The following BMPER variants were observed in gnomAD, a reference collection of about 807,000 sequenced individuals.
BMPER encodes the protein BMP-binding endothelial regulator protein.
BMPER carries 45 observed loss-of-function variants against 87.3 expected under a neutral mutation model. That is an observed-to-expected ratio of 0.52 (90% confidence interval 0.41 to 0.66). The LOEUF (loss-of-function observed/expected upper bound fraction) is 0.66, where lower values mean the gene tolerates loss of function less well. Ranked by LOEUF, BMPER falls within the 30% of genes least tolerant of loss-of-function variation. The pLI is 0.00. For synonymous variants in BMPER, 326 were observed against 316.2 expected (o/e 1.03, Z -0.33); for missense variants, 784 against 867.5 (o/e 0.90, Z 1.21).
rs1791233316 is a variant in BMPER at position 34,153,351 on chromosome 7, A to G, written c.*78A>G. ...GGAAGAGCCAATGAAGGACTGCAGT[A>G]TTTGTGTGCCCGATTCTGTAAACAC... is the stretch of plus-strand genomic sequence containing the variant. On this transcript the variant is annotated 3_prime_UTR_variant, in exon 15 of 15. Coordinates refer to ENST00000649409, the MANE Select transcript of BMPER (RefSeq NM_001365308.1). The G allele has an allele frequency of 4.0e-6, 6 of 1,482,328 alleles. No homozygotes were observed. Among genetic ancestry groups the G allele is most frequent in the Non-Finnish European group, 1.9e-6 (2 of 1,063,094 alleles). The allele number at this position is 1,482,328 out of a possible 1,614,324, so 91.8% of individuals were successfully genotyped here.
intron 6 of BMPER, among the ~76,000 whole-genome samples, chr7:33,977,353 G>A (rs10272728): frequency 0.3 from 45,339 of 152,022 alleles, 7,314 homozygotes; most frequent in African/African-American, 0.4. Context: ...TCACTTTAGA[G>A]TGGAATATTC....
At position 34,009,865 on chromosome 7, in the gene BMPER, G is replaced by A. The variant is rs180712322; in HGVS notation, c.576+35081G>A. The stretch of plus-strand genomic sequence containing the variant: ...GTCTCTAGGCTTGTACTGTGATTCT[G>A]TGTTGACTAGCTACTTATTCATAAG... On this transcript the variant is annotated intron_variant, in intron 6 of 14. Coordinates refer to ENST00000649409, the MANE Select transcript of BMPER (RefSeq NM_001365308.1). Among the ~76,000 whole-genome samples, 387 of 152,020 alleles carry A rather than the reference G, an allele frequency of 2.5e-3. 2 individuals are homozygous for A. Among genetic ancestry groups the A allele is most frequent in the Non-Finnish European group, 3.4e-3 (230 of 67,912 alleles).
intron 6 of BMPER, among the ~76,000 whole-genome samples, chr7:33,986,904 G>A (rs74607242): frequency 0.084 from 12,822 of 151,978 alleles, 534 homozygotes; most frequent in Middle Eastern, 0.12. Flanking sequence ...CTGGGCCTGC[G>A]GCTTTCCCTG....
intron 6 of BMPER, among the ~76,000 whole-genome samples, chr7:33,996,359 T>C (rs1585720035): frequency 1.3e-5 from 2 of 152,228 alleles, no homozygotes; most frequent in African/African-American, 4.8e-5. Context: ...CGTATTTTTT[T>C]ATGGTTACCT....
intron 14 of BMPER, among the ~76,000 whole-genome samples, chr7:34,148,820 G>C (rs1395034389): frequency 6.6e-6 from 1 of 152,126 alleles, no homozygotes; most frequent in African/African-American, 2.4e-5. Context: ...AGAATGTGGT[G>C]GGAAAGAAGA....
chr7:33,914,088 G>A (rs922922429), intron 2 of BMPER, among the ~76,000 whole-genome samples: 15 of 150,874 alleles, frequency 9.9e-5, no homozygotes, highest in East Asian at 3.9e-4. Flanking sequence ...CAGCCCTCCC[G>A]AGTAGCTGGG....
rs553137282 is a variant in BMPER at position 34,127,633 on chromosome 7, C to G, written c.1746-15597C>G. 3.3e-5 allele frequency among the ~76,000 whole-genome samples: 5 copies of G among 152,294 alleles called. No individual in the cohort carries two copies. The South Asian group carries it at 1.0e-3, about 32-fold the overall frequency. On this transcript the variant is annotated intron_variant, in intron 13 of 14. Transcript: ENST00000649409. ...CGCTCCACCCCGCTCCTTTCTACTA[C>G]CGGCTTCTTCTGCATCCCTCTAATT...
intron 14 of BMPER, among the ~76,000 whole-genome samples, chr7:34,145,475 G>T (rs1263722034): frequency 6.6e-6 from 1 of 152,156 alleles, no homozygotes; most frequent in Non-Finnish European, 1.5e-5. Context: ...TGTGGCTGAG[G>T]CTGCTAAAAG....
chr7:34,023,042 T>C (rs1174294329), intron 6 of BMPER, among the ~76,000 whole-genome samples: 1 of 152,084 alleles, frequency 6.6e-6, no homozygotes, highest in Non-Finnish European at 1.5e-5. Context: ...CTGAAGAATC[T>C]TGGGCTCCAT....
chr7:34,058,185 A>C, intron 10 of BMPER, 22 bp downstream of exon 10: 1 of 1,602,736 alleles, frequency 6.2e-7, no homozygotes, highest in Non-Finnish European at 8.5e-7. Context: ...ACACAGATTG[A>C]CTTTACCTTA....
chr7:33,984,491 GC>G (rs1258981166), intron 6 of BMPER, among the ~76,000 whole-genome samples: 1 of 152,060 alleles, frequency 6.6e-6, no homozygotes, highest in Non-Finnish European at 1.5e-5. Context: ...TATCCAGTGG[GC>G]TTATCTCTCC....
intron 2 of BMPER, among the ~76,000 whole-genome samples, chr7:33,919,102 G>T (rs1183030559): frequency 6.6e-6 from 1 of 152,094 alleles, no homozygotes; most frequent in African/African-American, 2.4e-5. Flanking sequence ...TCTGTTTCAT[G>T]TAAACCATAT....
chr7:34,137,881 G>A (rs1005971781), intron 13 of BMPER, among the ~76,000 whole-genome samples: 2 of 152,070 alleles, frequency 1.3e-5, no homozygotes, highest in Non-Finnish European at 2.9e-5. Context: ...AATTTTTTTT[G>A]TAGGTGCCCA....
At chr7:34,138,321 G>A (rs1017972010) in intron 13 of BMPER, among the ~76,000 whole-genome samples, 4 of 152,140 alleles carry the variant, frequency 2.6e-5, no homozygotes, top group Admixed American at 6.5e-5. Flanking sequence ...TCCCACTACC[G>A]TGCCGAGTGC....
At chr7:33,976,878 A>G (rs1455338146) in intron 6 of BMPER, among the ~76,000 whole-genome samples, 1 of 152,256 alleles carries the variant, frequency 6.6e-6, no homozygotes, top group African/African-American at 2.4e-5. Flanking sequence ...GTTTTTAAAC[A>G]CAATGCATGA....
chr7:34,116,064 T>C (rs529871082), intron 13 of BMPER, among the ~76,000 whole-genome samples: 208 of 152,382 alleles, frequency 1.4e-3, no homozygotes, highest in Non-Finnish European at 2.5e-3. Flanking sequence ...TGACCAATGA[T>C]GTCCAGCATC....
intron 6 of BMPER, among the ~76,000 whole-genome samples, chr7:33,979,791 T>C (rs1785800640): frequency 6.6e-6 from 1 of 152,220 alleles, no homozygotes; most frequent in Non-Finnish European, 1.5e-5. Flanking sequence ...AAGTGGCTTG[T>C]ATACGCCATG....
intron 13 of BMPER, among the ~76,000 whole-genome samples, chr7:34,138,257 T>C (rs902376830): frequency 6.6e-6 from 1 of 152,154 alleles, no homozygotes; most frequent in Admixed American, 6.5e-5. Flanking sequence ...TCTCTGCAGA[T>C]GAGTTGTGTT....
chr7:34,148,891 G>A (rs1040413460), intron 14 of BMPER, among the ~76,000 whole-genome samples: 1 of 152,198 alleles, frequency 6.6e-6, no homozygotes, highest in East Asian at 1.9e-4. Context: ...GGGGAGCAAA[G>A]CCTCTAGAGG....
Sources: gnomAD v4.1 joint callset for allele counts (sites outside exome capture counted in the v4.1 genomes callset) on GRCh38, gnomAD v4.1.1 for gene constraint, MANE v1.5 for transcripts, NCBI Gene and HGNC (gene_info 2026-07-23, HGNC 2026-07-21) for gene names.